Variants in CSMD3 observed in about 807,000 individuals in gnomAD.
CSMD3 encodes CUB and Sushi multiple domains 3.
A neutral mutation model predicts 435.2 loss-of-function variants in CSMD3; 177 were observed. The ratio of observed to expected loss-of-function variants is 0.41; its 90% CI spans 0.36 to 0.46. The LOEUF is 0.46. Among genes scored for constraint, CSMD3 ranks in the 20% least tolerant of loss-of-function variants. The probability of loss-of-function intolerance (pLI) is 0.34; values close to 1 mark genes in which losing one functional copy is unlikely to be tolerated. For missense variants in CSMD3, 4,265 were observed against 4,504.6 expected, an observed-to-expected ratio of 0.95 and a Z score of 1.52; for synonymous variants, 1,656 against 1,520.5, an observed-to-expected ratio of 1.09 and a Z score of -2.07.
chr8:113,318,344 C>T (rs2093925126), intron 1 of CSMD3, among the ~76,000 whole-genome samples: 1 of 152,092 alleles, frequency 6.6e-6, no homozygotes, highest in African/African-American at 2.4e-5. Context: ...CAACTTGATG[C>T]TGTGGAACAC....
intron 1 of CSMD3, among the ~76,000 whole-genome samples, chr8:113,388,628 A>G (rs113632676): frequency 6.6e-6 from 1 of 151,718 alleles, no homozygotes; most frequent in African/African-American, 2.4e-5. Flanking sequence ...TATTTGTACT[A>G]TATTTCTTAC....
At chr8:113,418,969 A>G (rs2094596230) in intron 1 of CSMD3, among the ~76,000 whole-genome samples, 1 of 152,214 alleles carries the variant, frequency 6.6e-6, no homozygotes, top group African/African-American at 2.4e-5. Flanking sequence ...CAGTAGTACC[A>G]TAGCTTCTGC....
intron 13 of CSMD3, among the ~76,000 whole-genome samples, chr8:112,759,743 G>A (rs1333181027): frequency 2.6e-5 from 4 of 151,748 alleles, no homozygotes; most frequent in Non-Finnish European, 5.9e-5. Flanking sequence ...TGTTATTTTC[G>A]CAGCCTTTTA....
At chr8:112,827,766 G>T (rs192569255) in intron 12 of CSMD3, among the ~76,000 whole-genome samples, 1 of 152,220 alleles carries the variant, frequency 6.6e-6, no homozygotes, top group South Asian at 2.1e-4. Context: ...ATTAGCTATA[G>T]GCCCAGGCAG....
intron 25 of CSMD3, 85 bp downstream of exon 25, chr8:112,556,678 G>T: frequency 9.3e-7 from 1 of 1,073,192 alleles, no homozygotes; most frequent in African/African-American, 1.6e-5. Context: ...AGTTCTATGA[G>T]GACAGAAAGA....
At chr8:112,239,872 T>C (rs1415482063) in intron 66 of CSMD3, among the ~76,000 whole-genome samples, 2 of 152,066 alleles carry the variant, frequency 1.3e-5, no homozygotes, top group African/African-American at 4.8e-5. Flanking sequence ...TTTGGGCGGT[T>C]GCCTGTTTTT....
intron 31 of CSMD3, among the ~76,000 whole-genome samples, chr8:112,474,025 G>A (rs184753743): frequency 3.3e-5 from 5 of 152,184 alleles, no homozygotes; most frequent in African/African-American, 1.2e-4. Flanking sequence ...AGTTTTGCAG[G>A]AAGGACAGAG....
chr8:112,667,069 A>G (rs929205751), intron 16 of CSMD3, among the ~76,000 whole-genome samples: 2 of 152,122 alleles, frequency 1.3e-5, no homozygotes, highest in African/African-American at 4.8e-5. Context: ...GATTTCCCTA[A>G]GCTCACACAC....
At position 112,390,795 on chromosome 8, in the gene CSMD3, A is replaced by G. The variant is rs1174000526; in HGVS notation, c.5810-7T>C. 1 of 1,613,262 alleles carries G rather than the reference A, an allele frequency of 6.2e-7. No homozygotes were observed. Among genetic ancestry groups the G allele is most frequent in the South Asian group, 1.1e-5 (1 of 91,066 alleles). On this transcript the variant is annotated splice_polypyrimidine_tract_variant and splice_region_variant and intron_variant, in intron 35 of 70. Coordinates refer to ENST00000297405, the MANE Select transcript of CSMD3 (RefSeq NM_198123.2). ...AAAATTCCACCACAGGGCACTGAAA[A>G]TAAAGCAGTCCAAGAGAGGGAGTTA...
chr8:112,593,617 C>CAT lies in CSMD3; in HGVS notation c.3716-6384_3716-6383dup, dbSNP rs200826593. On this transcript the variant is annotated intron_variant, in intron 22 of 70. Transcript: ENST00000297405. ...AAAAGGTTTATCCAGAGAATACACA[C>CAT]ATATATATGTACACATATTGAGAAG... Among the ~76,000 whole-genome samples, 442 of 152,130 alleles carry CAT rather than the reference C, an allele frequency of 2.9e-3. 1 individual carries two copies. The highest frequency in any genetic ancestry group is 4.8e-3 in the Non-Finnish European group (325 of 67,990).
intron 7 of CSMD3, among the ~76,000 whole-genome samples, chr8:112,962,383 TA>T (rs1455085502): frequency 6.6e-6 from 1 of 151,894 alleles, no homozygotes; most frequent in African/African-American, 2.4e-5. Flanking sequence ...TTATGTATAT[TA>T]TAAGGCCTTC....
In CSMD3 at chr8:112,859,138, C is replaced by T. The variant is rs1353929066; in HGVS notation, c.1755+7G>A. Reference sequence around the variant, plus strand: ...TTTTTTTTAAATCACAGATGGTGTTCTCTTACCTTATTTGTATTCACTGCT... The same window carrying T: ...TTTTTTTTAAATCACAGATGGTGTTTTCTTACCTTATTTGTATTCACTGCT... On this transcript the variant is annotated splice_region_variant and intron_variant, in intron 11 of 70. Transcript: ENST00000297405. 2.5e-6 allele frequency: 4 copies of T among 1,608,702 alleles called. No individual in the cohort carries two copies. In the African/African-American group the frequency reaches 4.0e-5, roughly 16 times the overall value.
At chr8:113,244,071 C>G (rs570428670) in intron 3 of CSMD3, among the ~76,000 whole-genome samples, 1 of 152,224 alleles carries the variant, frequency 6.6e-6, no homozygotes, top group African/African-American at 2.4e-5. Context: ...TTCTCCAATA[C>G]ACAATTTGAA....
At chr8:112,718,216 CTGTTT>C (rs1438996366) in intron 13 of CSMD3, among the ~76,000 whole-genome samples, 1 of 151,970 alleles carries the variant, frequency 6.6e-6, no homozygotes, top group Non-Finnish European at 1.5e-5. Context: ...TTTTCTCCTC[CTGTTT>C]TGTAGTGAGC....
intron 22 of CSMD3, among the ~76,000 whole-genome samples, chr8:112,596,668 C>G (rs1270721788): frequency 6.6e-6 from 1 of 151,972 alleles, no homozygotes; most frequent in Admixed American, 6.5e-5. Context: ...CAAACTATCT[C>G]TCAGACCACA....
chr8:112,600,074 A>T (rs1187257778), intron 22 of CSMD3, among the ~76,000 whole-genome samples: 1 of 152,126 alleles, frequency 6.6e-6, no homozygotes, highest in Non-Finnish European at 1.5e-5. Context: ...TTAAAATGCT[A>T]TCTCTGAGTC....
At chr8:112,922,659 A>G (rs2082782216) in intron 9 of CSMD3, among the ~76,000 whole-genome samples, 1 of 151,970 alleles carries the variant, frequency 6.6e-6, no homozygotes. Context: ...CTCAATTCGC[A>G]TAACAATCTC....
chr8:112,674,797 G>A (rs2075736328), intron 16 of CSMD3, among the ~76,000 whole-genome samples: 1 of 152,016 alleles, frequency 6.6e-6, no homozygotes, highest in Non-Finnish European at 1.5e-5. Context: ...TCTCTAAGAG[G>A]GATTCTTATG....
At chr8:112,811,334 T>C (rs1040792575) in intron 12 of CSMD3, among the ~76,000 whole-genome samples, 4 of 152,084 alleles carry the variant, frequency 2.6e-5, no homozygotes, top group Non-Finnish European at 5.9e-5. Flanking sequence ...CTTTAGAATT[T>C]CCTATAGAAA....
Sources: gnomAD v4.1 joint callset for allele counts (sites outside exome capture counted in the v4.1 genomes callset) on GRCh38, gnomAD v4.1.1 for gene constraint, MANE v1.5 for transcripts, NCBI Gene and HGNC (gene_info 2026-07-23, HGNC 2026-07-21) for gene names.